The following REC114 variants were observed in gnomAD, a reference collection of about 807,000 sequenced individuals.
REC114 encodes the protein meiotic recombination protein REC114.
A neutral mutation model predicts 31.3 loss-of-function variants in REC114; 27 were observed. The observed-to-expected ratio is 0.86, with a 90% CI of 0.64 to 1.19. REC114 has a LOEUF of 1.19. Ranked by LOEUF, REC114 falls within the 50% of genes most tolerant of loss-of-function variation. The pLI is 0.00. For synonymous variants in REC114, 134 were observed against 127.7 expected, an observed-to-expected ratio of 1.05 and a Z score of -0.33; for missense variants, 344 against 326.9, an observed-to-expected ratio of 1.05 and a Z score of -0.40.
At chr15:73,559,054 C>T (rs920908096) in intron 5 of REC114, among the ~76,000 whole-genome samples, 8 of 152,068 alleles carry the variant, frequency 5.3e-5, no homozygotes, top group South Asian at 4.1e-4. Context: ...GATTCAACAA[C>T]GTATTATGAT....
intron 2 of REC114, among the ~76,000 whole-genome samples, chr15:73,484,163 AT>A (rs1893335181): frequency 6.6e-6 from 1 of 152,054 alleles, no homozygotes; most frequent in Non-Finnish European, 1.5e-5. Flanking sequence ...CTTTTAAAAC[AT>A]TTTTGGCCAG....
At chr15:73,447,003 G>T (rs908773449) in intron 1 of REC114, among the ~76,000 whole-genome samples, 4 of 152,186 alleles carry the variant, frequency 2.6e-5, no homozygotes, top group African/African-American at 4.8e-5. Context: ...TGGCAGTAGA[G>T]ATAGGGATAT....
At chr15:73,475,833 C>T (rs561940239) in intron 2 of REC114, among the ~76,000 whole-genome samples, 3 of 152,102 alleles carry the variant, frequency 2.0e-5, no homozygotes, top group Non-Finnish European at 4.4e-5. Context: ...ATGTCCTAGG[C>T]CATCACATTC....
At chr15:73,477,387 T>C (rs1371096770) in intron 2 of REC114, among the ~76,000 whole-genome samples, 2 of 152,198 alleles carry the variant, frequency 1.3e-5, no homozygotes, top group Non-Finnish European at 2.9e-5. Context: ...TTTTGTATAC[T>C]ACTTAGGAAA....
At chr15:73,466,154 A>G (rs1390145481) in intron 1 of REC114, among the ~76,000 whole-genome samples, 1 of 151,150 alleles carries the variant, frequency 6.6e-6, no homozygotes, top group African/African-American at 2.4e-5. Flanking sequence ...CCCGGCCACC[A>G]ATTGTTTTTA....
intron 2 of REC114, among the ~76,000 whole-genome samples, chr15:73,486,191 G>A (rs1893362080): frequency 6.6e-6 from 1 of 152,078 alleles, no homozygotes; most frequent in African/African-American, 2.4e-5. Flanking sequence ...TCCATCTCCT[G>A]GGTTCAAGCG....
chr15:73,538,824 A>G (rs1357289205), intron 2 of REC114, among the ~76,000 whole-genome samples: 3 of 151,672 alleles, frequency 2.0e-5, no homozygotes, highest in Non-Finnish European at 4.4e-5. Context: ...ATAGTATTCC[A>G]TTGTATAGAG....
intron 4 of REC114, among the ~76,000 whole-genome samples, chr15:73,552,221 C>T (rs1054040565): frequency 6.6e-6 from 1 of 152,184 alleles, no homozygotes; most frequent in Non-Finnish European, 1.5e-5. Context: ...GGAATATCCA[C>T]AGTTATCTGA....
At chr15:73,536,202 C>T (rs1894155017) in intron 2 of REC114, among the ~76,000 whole-genome samples, 1 of 152,090 alleles carries the variant, frequency 6.6e-6, no homozygotes, top group Non-Finnish European at 1.5e-5. Context: ...AAAGAGTTCT[C>T]CACTCTTTCC....
At chr15:73,465,710 GA>G (rs1204349878) in intron 1 of REC114, among the ~76,000 whole-genome samples, 1 of 152,112 alleles carries the variant, frequency 6.6e-6, no homozygotes, top group Non-Finnish European at 1.5e-5. Flanking sequence ...CAAGTTAAAT[GA>G]AAAATATTAT....
At chr15:73,503,528 T>C (rs1893630902) in intron 2 of REC114, among the ~76,000 whole-genome samples, 1 of 152,202 alleles carries the variant, frequency 6.6e-6, no homozygotes, top group African/African-American at 2.4e-5. Context: ...AGATTGATCA[T>C]GAATAAATTA....
At chr15:73,469,584 C>T (rs1052806287) in intron 1 of REC114, among the ~76,000 whole-genome samples, 7 of 151,832 alleles carry the variant, frequency 4.6e-5, no homozygotes, top group Non-Finnish European at 8.8e-5. Flanking sequence ...CGTGTACCAC[C>T]GTGCCTGGCT....
At chr15:73,480,284 T>G (rs1220047069) in intron 2 of REC114, among the ~76,000 whole-genome samples, 1 of 151,848 alleles carries the variant, frequency 6.6e-6, no homozygotes, top group Non-Finnish European at 1.5e-5. Flanking sequence ...TATTTTTATT[T>G]TTTTGAAATG....
At position 73,500,395 on chromosome 15, in the gene REC114, G is replaced by A. The variant is rs529326184; in HGVS notation, c.249+26474G>A. On this transcript the variant is annotated intron_variant, in intron 2 of 5. Transcript: ENST00000331090. ...TTGTTTCCCCAAAGAAACCAGATAC[G>A]ACAAAAGAGTGTGTTATGTATGCAC... Among the ~76,000 whole-genome samples, 84 of 148,174 alleles carry A rather than the reference G, an allele frequency of 5.7e-4. 1 individual carries two copies. Among genetic ancestry groups the A allele is most frequent in the African/African-American group, 2.0e-3 (82 of 40,522 alleles).
At chr15:73,553,310 TCA>T (rs1211559799) in intron 4 of REC114, among the ~76,000 whole-genome samples, 9 of 152,228 alleles carry the variant, frequency 5.9e-5, no homozygotes, top group Non-Finnish European at 1.3e-4. Context: ...GCTGCTTGCC[TCA>T]CAAACCCTGG....
intron 1 of REC114, among the ~76,000 whole-genome samples, chr15:73,465,089 GCCA>G (rs1893039325): frequency 6.6e-6 from 1 of 152,036 alleles, no homozygotes; most frequent in Non-Finnish European, 1.5e-5. Context: ...ACAGGGTTTT[GCCA>G]TCTTGGCCAG....
At chr15:73,471,375 CTT>C (rs148804999) in intron 1 of REC114, among the ~76,000 whole-genome samples, 3,043 of 151,394 alleles carry the variant, frequency 0.02, 120 homozygotes, top group African/African-American at 0.071. Flanking sequence ...GAATTAATTT[CTT>C]AAGTGTTGCA....
At chr15:73,446,285 AC>A (rs1354956560) in intron 1 of REC114, among the ~76,000 whole-genome samples, 1 of 152,298 alleles carries the variant, frequency 6.6e-6, no homozygotes, top group African/African-American at 2.4e-5. Context: ...ATGTGTGCAC[AC>A]ATGCATACAT....
At chr15:73,559,618 G>C (rs1894542133) in intron 5 of REC114, 134 bp from the exon 6 acceptor site, 7 of 672,446 alleles carry the variant, frequency 1.0e-5, no homozygotes, top group Non-Finnish European at 1.6e-5. Context: ...AAGGAAGCCT[G>C]TAAAGCTAAT....
Sources: allele counts gnomAD v4.1 joint callset (sites outside exome capture counted in the v4.1 genomes callset), GRCh38; gene constraint gnomAD v4.1.1; transcripts MANE v1.5; gene names NCBI Gene and HGNC (gene_info 2026-07-23, HGNC 2026-07-21).